CCDC97: variants seen among roughly 807,000 people sequenced by gnomAD.
CCDC97 encodes coiled-coil domain containing 97.
Under a neutral mutation model 33.9 loss-of-function variants are expected in CCDC97, and 27 were observed. That is an observed-to-expected ratio of 0.80 (90% CI 0.59 to 1.10). CCDC97 has a LOEUF of 1.10. Among genes scored for constraint, CCDC97 ranks in the 50% least tolerant of loss-of-function variants. The probability of loss-of-function intolerance (pLI) is 0.00; values close to 1 mark genes in which losing one functional copy is unlikely to be tolerated. For synonymous variants in CCDC97, 217 were observed against 194.0 expected (o/e 1.12, Z -0.99); for missense variants, 422 against 476.6 (o/e 0.89, Z 1.07).
intron 1 of CCDC97, among the ~76,000 whole-genome samples, chr19:41,315,114 A>G (rs557386480): frequency 6.6e-6 from 1 of 150,938 alleles, no homozygotes; most frequent in Non-Finnish European, 1.5e-5. Flanking sequence ...AGCACAGCCA[A>G]GATGGTGAAA....
intron 2 of CCDC97, among the ~76,000 whole-genome samples, chr19:41,317,244 C>T (rs2037760035): frequency 6.6e-6 from 1 of 152,088 alleles, no homozygotes; most frequent in African/African-American, 2.4e-5. Flanking sequence ...ACACAGAAGC[C>T]TTCTGAACAA....
At chr19:41,319,476 A>C in intron 2 of CCDC97, 98 bp from the exon 3 acceptor site, 1 of 881,014 alleles carries the variant, frequency 1.1e-6, no homozygotes, top group Non-Finnish European at 1.8e-6. Context: ...TGGACTGTGT[A>C]TGCACATCAT....
rs200358934 is a variant in CCDC97 at position 41,316,426 on chromosome 19, G to A, written c.89G>A (p.Arg30Gln). Residue 30 changes from arginine to glutamine, a missense_variant, in exon 2 of 5, where the codon CGG (arginine) becomes CAG (glutamine). Physicochemically the swap from Arg to Gln is conservative, Grantham distance 43. Coordinates refer to ENST00000269967, the MANE Select transcript of CCDC97 (RefSeq NM_052848.3). ...CCTGGGCACTGGGGTGAGCTGAGCC[G>A]GACACCAGTCCCATCTAAACCCCAG... ...PGPGHWGELS[R>Q]TPVPSKPQDK... 7.1e-5 allele frequency: 115 copies of A among 1,613,874 alleles called. 1 individual carries two copies. The Admixed American group carries it at 1.0e-3, about 14-fold the overall frequency.
Position 41,310,352 on chromosome 19 carries a change from T to A in CCDC97, c.42T>A (p.Asp14Glu). Residue 14 changes from aspartate to glutamate, a missense_variant, in exon 1 of 5, where the codon GAT becomes GAA. Coordinates refer to ENST00000269967, the MANE Select transcript of CCDC97 (RefSeq NM_052848.3). The stretch of plus-strand genomic sequence containing the variant: ...CGGCGACGGCGGCGAAGGAACCCGA[T>A]AAGGGTGAGATCTTGGTCACGCGCA... Reference protein sequence around the residue: ...VATATAAKEPDKGCIEPGPGH... With the variant: ...VATATAAKEPEKGCIEPGPGH... 1 of 1,605,764 alleles carries A rather than the reference T, an allele frequency of 6.2e-7. No homozygotes were observed.
chr19:41,316,853 A>G lies in CCDC97; in HGVS notation c.502+14A>G, dbSNP rs764854762. The G allele has an allele frequency of 6.4e-7, 1 of 1,568,014 alleles. No individual in the cohort carries two copies. The highest frequency in any genetic ancestry group is 2.3e-5 in the East Asian group (1 of 43,946). ...AGCTGATCCAAGGTGTGGGGGCCAG[A>G]TGGGCGACAGTGGGCACATATGGGG... On this transcript the variant is annotated intron_variant, in intron 2 of 4. Coordinates refer to ENST00000269967, the MANE Select transcript of CCDC97 (RefSeq NM_052848.3).
chr19:41,320,563 C>A, intron 4 of CCDC97, 93 bp downstream of exon 4: 1 of 1,511,080 alleles, frequency 6.6e-7, no homozygotes, highest in Non-Finnish European at 9.1e-7. Context: ...GGGGGTCTCC[C>A]TTTGTGGAGC....
In CCDC97 at chr19:41,310,275, G is replaced by A; in HGVS notation, c.-36G>A. 6.3e-7 allele frequency: 1 copy of A among 1,578,164 alleles called. No homozygotes were observed. The highest frequency in any genetic ancestry group is 1.2e-5 in the South Asian group (1 of 86,292). ...CGTGGGCCGGAGGTTAGTGTGCGGG[G>A]CCCGCCGGGCGGTTGAAAAGTCCGA... On this transcript the variant is annotated 5_prime_UTR_variant, in exon 1 of 5. Coordinates refer to ENST00000269967, the MANE Select transcript of CCDC97 (RefSeq NM_052848.3).
Position 41,310,243 on chromosome 19 carries a change from T to C in CCDC97, c.-68T>C. 6.4e-7 allele frequency: 1 copy of C among 1,551,676 alleles called. No individual in the cohort carries two copies. The highest frequency in any genetic ancestry group is 8.7e-7 in the Non-Finnish European group (1 of 1,145,766). ...GAACATTCTCAGGCGAAAGTGTCTC[T>C]TGCGTGCGTGGGCCGGAGGTTAGTG... On this transcript the variant is annotated 5_prime_UTR_variant, in exon 1 of 5. Transcript: ENST00000269967.
chr19:41,319,859 G>C lies in CCDC97; in HGVS notation c.781+7G>C. On this transcript the variant is annotated splice_region_variant and intron_variant, in intron 3 of 4. Coordinates refer to ENST00000269967, the MANE Select transcript of CCDC97 (RefSeq NM_052848.3). ...GAGGACAGTGACGAGGAAGGTGAGG[G>C]CCAGTAGCAGGAAGACCCCAGATTC... The C allele has an allele frequency of 7.4e-7, 1 of 1,351,938 alleles. No homozygotes were observed. Among genetic ancestry groups the C allele is most frequent in the South Asian group, 1.2e-5 (1 of 81,518 alleles). 83.7% of individuals were successfully genotyped at this position (1,351,938 alleles called of 1,614,324 possible).
intron 1 of CCDC97, among the ~76,000 whole-genome samples, chr19:41,313,701 T>G (rs960614707): frequency 6.6e-6 from 1 of 152,130 alleles, no homozygotes; most frequent in African/African-American, 2.4e-5. Flanking sequence ...GCTTTCCTGT[T>G]TTCTTTCCAT....
intron 4 of CCDC97, 83 bp from the exon 5 acceptor site, chr19:41,322,512 A>G: frequency 6.8e-7 from 1 of 1,472,142 alleles, no homozygotes; most frequent in Non-Finnish European, 9.3e-7. Context: ...ATGGCCTTTG[A>G]CATCAGGGTG....
chr19:41,312,928 C>T (rs576967066), intron 1 of CCDC97, among the ~76,000 whole-genome samples: 4 of 152,120 alleles, frequency 2.6e-5, no homozygotes, highest in South Asian at 2.1e-4. Flanking sequence ...TACAGGAGTG[C>T]GCCACCACAC....
At chr19:41,321,011 ATT>A (rs1463749666) in intron 4 of CCDC97, among the ~76,000 whole-genome samples, 1 of 152,214 alleles carries the variant, frequency 6.6e-6, no homozygotes, top group Non-Finnish European at 1.5e-5. Context: ...TGGTTTTGTC[ATT>A]TAAGGTAGCT....
chr19:41,316,274 G>A, intron 1 of CCDC97, 110 bp from the exon 2 acceptor site: 1 of 816,084 alleles, frequency 1.2e-6, no homozygotes, highest in Non-Finnish European at 2.0e-6. Flanking sequence ...GCCCAGAACA[G>A]TGCCCAGAAT....
chr19:41,320,545 C>A, intron 4 of CCDC97, 75 bp downstream of exon 4: 1 of 1,580,564 alleles, frequency 6.3e-7, no homozygotes, highest in Non-Finnish European at 8.7e-7. Flanking sequence ...GAGCCCTTAA[C>A]AAGCTGTGGG....
intron 1 of CCDC97, among the ~76,000 whole-genome samples, chr19:41,312,349 T>G (rs2037695574): frequency 6.6e-6 from 1 of 152,202 alleles, no homozygotes; most frequent in Non-Finnish European, 1.5e-5. Context: ...CCTCCCATAG[T>G]GCTGGGATTA....
chr19:41,323,022 T>A lies in CCDC97; in HGVS notation c.*307T>A. ...TACCCCCGCTCCCTCTTTCCAGTGC[T>A]CTGGCTGGCTGTCTCTCCCTTTCTC... On this transcript the variant is annotated 3_prime_UTR_variant, in exon 5 of 5. Transcript: ENST00000269967. 1 of 205,726 alleles carries A rather than the reference T, an allele frequency of 4.9e-6. No homozygotes were observed. The highest frequency in any genetic ancestry group is 1.3e-4 in the East Asian group (1 of 7,528). 12.7% of individuals were successfully genotyped at this position (205,726 alleles called of 1,614,324 possible). A position where few individuals can be genotyped will look rare whatever the true frequency, so the allele number is the denominator to read the frequency against.
rs752646666 is a variant in CCDC97 at position 41,319,604 on chromosome 19, G to C, written c.533G>C (p.Arg178Pro). 1 of 1,610,666 alleles carries C rather than the reference G, an allele frequency of 6.2e-7. No homozygotes were observed. The highest frequency in any genetic ancestry group is 8.5e-7 in the Non-Finnish European group (1 of 1,177,864). The change falls in exon 3 of 5, where the codon CGG becomes CCG. Residue 178 changes from arginine to proline, a missense_variant. Physicochemically the swap from Arg to Pro is moderately radical, Grantham distance 103. Transcript: ENST00000269967. ...GAGTACTTCAGTGATGAGCAGATGC[G>C]GTTCCGGGCCCCCCTGCTATATGAG... ...GGEYFSDEQM[R>P]FRAPLLYEQY...
At chr19:41,320,906 C>A (rs957913691) in intron 4 of CCDC97, among the ~76,000 whole-genome samples, 2 of 152,206 alleles carry the variant, frequency 1.3e-5, no homozygotes, top group African/African-American at 2.4e-5. Context: ...CCCACAGTTA[C>A]AGTTGTTCAT....
Sources: gnomAD v4.1 joint callset for allele counts (sites outside exome capture counted in the v4.1 genomes callset) on GRCh38, gnomAD v4.1.1 for gene constraint, MANE v1.5 for transcripts, NCBI Gene and HGNC (gene_info 2026-07-23, HGNC 2026-07-21) for gene names.